Variants in BICC1 observed in about 807,000 individuals in gnomAD.
BICC1 encodes the protein BicC family RNA binding protein 1.
BICC1 carries 43 observed loss-of-function variants against 111.0 expected under a neutral mutation model. The observed-to-expected ratio is 0.39, with a 90% CI of 0.30 to 0.50. The LOEUF is 0.50. Ranked by LOEUF, BICC1 falls within the 20% of genes least tolerant of loss-of-function variation. The pLI, the probability that BICC1 is intolerant of heterozygous loss-of-function variation, is 0.88. For missense variants in BICC1, 1,091 were observed against 1,203.2 expected (o/e 0.91, Z 1.38); for synonymous variants, 467 against 434.4 (o/e 1.07, Z -0.93).
intron 2 of BICC1, among the ~76,000 whole-genome samples, chr10:58,676,534 C>T (rs950576874): frequency 6.6e-6 from 1 of 152,204 alleles, no homozygotes; most frequent in African/African-American, 2.4e-5. Context: ...CTCTGAAAGG[C>T]AACAGCCCCA....
At chr10:58,728,832 A>T (rs944417223) in intron 3 of BICC1, among the ~76,000 whole-genome samples, 2 of 152,148 alleles carry the variant, frequency 1.3e-5, no homozygotes, top group African/African-American at 2.4e-5. Context: ...CTCTTTTGTG[A>T]CCAGGTGCAT....
chr10:58,652,385 T>C (rs533647959), intron 2 of BICC1, among the ~76,000 whole-genome samples: 2 of 152,272 alleles, frequency 1.3e-5, no homozygotes, highest in East Asian at 1.9e-4. Context: ...TCTGGGGCTC[T>C]AGACACAGTC....
intron 1 of BICC1, among the ~76,000 whole-genome samples, chr10:58,561,144 A>G (rs987676558): frequency 2.0e-5 from 3 of 151,982 alleles, no homozygotes; most frequent in Non-Finnish European, 4.4e-5. Flanking sequence ...GAAGTCCTCA[A>G]CTATTATTGT....
chr10:58,622,827 A>G (rs1375692705), intron 2 of BICC1, among the ~76,000 whole-genome samples: 2 of 152,248 alleles, frequency 1.3e-5, no homozygotes, highest in Non-Finnish European at 2.9e-5. Flanking sequence ...AGTCACATGT[A>G]TTCTAGTTTT....
intron 2 of BICC1, among the ~76,000 whole-genome samples, chr10:58,669,651 G>T (rs1213213905): frequency 6.6e-6 from 1 of 152,080 alleles, no homozygotes; most frequent in African/African-American, 2.4e-5. Flanking sequence ...AGATGCCAGT[G>T]ATAGTTATCT....
At chr10:58,534,274 T>A (rs1842767532) in intron 1 of BICC1, among the ~76,000 whole-genome samples, 1 of 151,622 alleles carries the variant, frequency 6.6e-6, no homozygotes, top group Non-Finnish European at 1.5e-5. Context: ...GCTCTGAACT[T>A]TTTTTTCAAG....
intron 3 of BICC1, among the ~76,000 whole-genome samples, chr10:58,739,627 T>C (rs940268449): frequency 2.0e-5 from 3 of 152,190 alleles, no homozygotes; most frequent in Non-Finnish European, 4.4e-5. Flanking sequence ...CATTTGTTCT[T>C]GAGCTATTAT....
intron 2 of BICC1, 64 bp downstream of exon 2, chr10:58,620,965 A>G: frequency 1.4e-6 from 2 of 1,448,398 alleles, no homozygotes; most frequent in South Asian, 1.2e-5. Context: ...CTCAACAGCT[A>G]CCCTAGAAGC....
At chr10:58,535,866 GAAAAGGGTGGA>G (rs1399103751) in intron 1 of BICC1, among the ~76,000 whole-genome samples, 1 of 151,042 alleles carries the variant, frequency 6.6e-6, no homozygotes, top group Non-Finnish European at 1.5e-5. Context: ...AGACCCAAGG[GAAAAGGGTGGA>G]AAAAGATATT....
chr10:58,650,550 C>T (rs1285966962), intron 2 of BICC1: 1 of 152,164 alleles, frequency 6.6e-6, no homozygotes, highest in Admixed American at 6.5e-5. Flanking sequence ...CAGGATGACC[C>T]TGTCTTCAAG....
intron 1 of BICC1, among the ~76,000 whole-genome samples, chr10:58,580,302 G>A (rs1163119533): frequency 1.3e-5 from 2 of 152,160 alleles, no homozygotes; most frequent in African/African-American, 4.8e-5. Flanking sequence ...GGGATTACAG[G>A]TGTGAGCCAC....
intron 2 of BICC1, among the ~76,000 whole-genome samples, chr10:58,649,342 A>C (rs1303267577): frequency 6.6e-6 from 1 of 152,192 alleles, no homozygotes; most frequent in East Asian, 1.9e-4. Context: ...AGTGTAGCAT[A>C]AGTCAAGTAG....
intron 2 of BICC1, among the ~76,000 whole-genome samples, chr10:58,682,831 T>G (rs1351306903): frequency 1.3e-5 from 2 of 152,224 alleles, no homozygotes; most frequent in African/African-American, 4.8e-5. Flanking sequence ...TTCTGTAGGT[T>G]GCCTGTTCAC....
chr10:58,621,413 T>G (rs1418936610), intron 2 of BICC1, among the ~76,000 whole-genome samples: 2 of 152,194 alleles, frequency 1.3e-5, no homozygotes, highest in Non-Finnish European at 2.9e-5. Context: ...CCCCCTGACT[T>G]GGTGTTATCT....
At chr10:58,551,967 G>T (rs555412803) in intron 1 of BICC1, among the ~76,000 whole-genome samples, 1 of 151,528 alleles carries the variant, frequency 6.6e-6, no homozygotes, top group Admixed American at 6.6e-5. Flanking sequence ...TTTTTTTTGG[G>T]GGGGGATAGA....
intron 2 of BICC1, among the ~76,000 whole-genome samples, chr10:58,644,702 AT>A (rs1838216865): frequency 6.6e-6 from 1 of 152,200 alleles, no homozygotes; most frequent in Admixed American, 6.5e-5. Flanking sequence ...ATTGAATTTA[AT>A]TTGGCCAACG....
chr10:58,624,049 G>A (rs1299971592), intron 2 of BICC1, among the ~76,000 whole-genome samples: 1 of 152,150 alleles, frequency 6.6e-6, no homozygotes, highest in African/African-American at 2.4e-5. Context: ...CCACAAACTG[G>A]GTGGCTTAAC....
intron 3 of BICC1, among the ~76,000 whole-genome samples, chr10:58,764,059 C>T (rs1194566997): frequency 6.6e-6 from 1 of 152,126 alleles, no homozygotes; most frequent in Non-Finnish European, 1.5e-5. Context: ...GGTACAGTAA[C>T]ACATACTGAT....
At chr10:58,791,792 C>A (rs1249320056) in intron 8 of BICC1, among the ~76,000 whole-genome samples, 1 of 151,974 alleles carries the variant, frequency 6.6e-6, no homozygotes, top group Admixed American at 6.6e-5. Flanking sequence ...TATTTTATTT[C>A]TTTTTCTTTT....
Sources: gnomAD v4.1 joint callset for allele counts (sites outside exome capture counted in the v4.1 genomes callset) on GRCh38, gnomAD v4.1.1 for gene constraint, MANE v1.5 for transcripts, NCBI Gene and HGNC (gene_info 2026-07-23, HGNC 2026-07-21) for gene names.